Variants in CRACD observed in about 807,000 individuals in gnomAD.
CRACD encodes capping protein-inhibiting regulator of actin dynamics.
CRACD carries 56 observed loss-of-function variants against 106.8 expected under a neutral mutation model. The ratio of observed to expected loss-of-function variants is 0.52; its 90% CI spans 0.42 to 0.66. The LOEUF (loss-of-function observed/expected upper bound fraction) is 0.66. CRACD is among the 30% of genes least tolerant of loss of function. The probability of loss-of-function intolerance (pLI) is 0.00; values close to 1 mark genes in which losing one functional copy is unlikely to be tolerated. For missense variants in CRACD, 1,730 were observed against 1,623.2 expected (o/e 1.07, Z -1.13); for synonymous variants, 754 against 670.8 (o/e 1.12, Z -1.92).
intron 1 of CRACD, among the ~76,000 whole-genome samples, chr4:56,066,780 C>T (rs965586754): frequency 2.0e-5 from 3 of 152,018 alleles, no homozygotes; most frequent in Non-Finnish European, 2.9e-5. Flanking sequence ...TGTCTCAGTT[C>T]TATGCCCATG....
chr4:56,121,727 A>G (rs543938571), intron 1 of CRACD, among the ~76,000 whole-genome samples: 68 of 152,360 alleles, frequency 4.5e-4, no homozygotes, highest in Non-Finnish European at 6.9e-4. Flanking sequence ...CTAGATTAAA[A>G]TGAATCAATG....
At chr4:56,275,217 C>T (rs1258940622) in intron 3 of CRACD, among the ~76,000 whole-genome samples, 4 of 152,108 alleles carry the variant, frequency 2.6e-5, no homozygotes, top group African/African-American at 4.8e-5. Context: ...GTACAGCAAA[C>T]CCCTGTGACT....
chr4:56,115,797 C>T (rs1441819518), intron 1 of CRACD, among the ~76,000 whole-genome samples: 1 of 152,136 alleles, frequency 6.6e-6, no homozygotes, highest in Non-Finnish European at 1.5e-5. Flanking sequence ...TTATTTCAGC[C>T]CTTGCAAATC....
intron 1 of CRACD, among the ~76,000 whole-genome samples, chr4:56,124,861 A>T (rs968719960): frequency 2.6e-5 from 4 of 152,194 alleles, no homozygotes; most frequent in Admixed American, 6.5e-5. Flanking sequence ...AATATCCCTA[A>T]GTGGAGCCGC....
chr4:56,325,619 G>A (rs1746393376), intron 10 of CRACD, among the ~76,000 whole-genome samples: 1 of 152,190 alleles, frequency 6.6e-6, no homozygotes, highest in African/African-American at 2.4e-5. Flanking sequence ...TACACATTTA[G>A]AAAATATTCT....
chr4:56,059,241 C>T (rs752082449), intron 1 of CRACD, among the ~76,000 whole-genome samples: 28 of 151,692 alleles, frequency 1.8e-4, no homozygotes, highest in Non-Finnish European at 2.9e-4. Flanking sequence ...AGTTTGAGAT[C>T]GGCCTGGGCA....
intron 1 of CRACD, among the ~76,000 whole-genome samples, chr4:56,062,394 A>T (rs1389124569): frequency 6.6e-6 from 1 of 152,182 alleles, no homozygotes; most frequent in Non-Finnish European, 1.5e-5. Context: ...TTGTTGAATT[A>T]AGTGGAAGGC....
chr4:56,212,699 A>G (rs1205340969), intron 2 of CRACD, among the ~76,000 whole-genome samples: 1 of 152,188 alleles, frequency 6.6e-6, no homozygotes, highest in African/African-American at 2.4e-5. Context: ...TCCCTACCAA[A>G]GTACACACAA....
At chr4:56,276,698 G>A (rs990875879) in intron 3 of CRACD, among the ~76,000 whole-genome samples, 1 of 152,166 alleles carries the variant, frequency 6.6e-6, no homozygotes, top group African/African-American at 2.4e-5. Context: ...TGCCTCTCAA[G>A]GAGGCTGCAG....
intron 2 of CRACD, among the ~76,000 whole-genome samples, chr4:56,271,329 C>T (rs995437214): frequency 2.0e-5 from 3 of 152,146 alleles, no homozygotes; most frequent in Admixed American, 2.0e-4. Flanking sequence ...CAAATGTTGG[C>T]AGCAAGCCTA....
Position 56,320,145 on chromosome 4 carries a change from CA to C in CRACD, c.3188-3220del, listed in dbSNP as rs11386476. Among the ~76,000 whole-genome samples the C allele has an allele frequency of 2.6e-3, 377 of 145,168 alleles. 2 individuals are homozygous for C. Among genetic ancestry groups the C allele is most frequent in the Admixed American group, 7.6e-3 (110 of 14,554 alleles). Reference sequence around the variant, plus strand: ...AGAGATTGTGCACTGACTCCAGCCTCAAAAAAAAAAAACAAACCTTTCATTA... The same window carrying C: ...AGAGATTGTGCACTGACTCCAGCCTCAAAAAAAAAAACAAACCTTTCATTA... On this transcript the variant is annotated intron_variant, in intron 8 of 10. Transcript: ENST00000682029.
intron 2 of CRACD, among the ~76,000 whole-genome samples, chr4:56,198,305 G>A (rs1371893723): frequency 3.9e-5 from 6 of 152,174 alleles, no homozygotes; most frequent in Non-Finnish European, 8.8e-5. Context: ...AAGAAGAGAG[G>A]AGGTGCACTT....
At chr4:56,325,569 A>T (rs1377176754) in intron 10 of CRACD, among the ~76,000 whole-genome samples, 1 of 152,222 alleles carries the variant, frequency 6.6e-6, no homozygotes, top group African/African-American at 2.4e-5. Context: ...ATGTTAATTA[A>T]CAACAGCAGT....
chr4:56,314,610 G>T lies in CRACD; in HGVS notation c.1108G>T (p.Glu370Ter). ...RQEEEEAEGW[E>*]ELEQQEAEVQ... Reference sequence around the variant, plus strand: ...GGAGGAGGAGGAGGCTGAGGGATGGGAAGAGCTGGAACAGCAGGAGGCGGA... The same window carrying T: ...GGAGGAGGAGGAGGCTGAGGGATGGTAAGAGCTGGAACAGCAGGAGGCGGA... The change falls in exon 8 of 11, where the codon GAA (glutamate) becomes TAA (stop). Residue 370 changes from glutamate (E) to a stop codon, truncating the protein, a stop_gained. Coordinates refer to ENST00000682029, the MANE Select transcript of CRACD (RefSeq NM_001393381.1). LOFTEE classifies it high-confidence loss of function. The surrounding 1 kb of genome is among the most constrained non-coding windows in gnomAD (Gnocchi z 4.4). The T allele has an allele frequency of 6.5e-7, 1 of 1,532,896 alleles. No homozygotes were observed. Among genetic ancestry groups the T allele is most frequent in the East Asian group, 2.5e-5 (1 of 40,694 alleles). 95.0% of individuals were successfully genotyped at this position (1,532,896 alleles called of 1,614,324 possible). A position where few individuals can be genotyped will look rare whatever the true frequency, so the allele number is the denominator to read the frequency against.
At chr4:56,255,006 C>T (rs1403327881) in intron 2 of CRACD, among the ~76,000 whole-genome samples, 7 of 149,264 alleles carry the variant, frequency 4.7e-5, no homozygotes, top group Non-Finnish European at 4.4e-5. Flanking sequence ...CCCAGCTACT[C>T]GGGAGACTGA....
chr4:56,087,052 C>T (rs897336274), intron 1 of CRACD, among the ~76,000 whole-genome samples: 1 of 152,132 alleles, frequency 6.6e-6, no homozygotes, highest in Non-Finnish European at 1.5e-5. Flanking sequence ...CCCTCTGTCA[C>T]CCAGGCTGGA....
At chr4:56,188,281 C>T (rs78485616) in intron 2 of CRACD, among the ~76,000 whole-genome samples, 1,805 of 152,030 alleles carry the variant, frequency 0.012, 27 homozygotes, top group African/African-American at 0.041. Flanking sequence ...GAACTGGAAC[C>T]CCAATTTCTA....
chr4:56,064,207 C>T (rs548539342), intron 1 of CRACD, among the ~76,000 whole-genome samples: 10 of 152,220 alleles, frequency 6.6e-5, no homozygotes, highest in South Asian at 2.1e-4. Context: ...TATTTGTTGT[C>T]GAGTTGTGGG....
chr4:56,173,614 A>G (rs779415462), intron 1 of CRACD, among the ~76,000 whole-genome samples: 2 of 152,228 alleles, frequency 1.3e-5, no homozygotes, highest in Non-Finnish European at 2.9e-5. Flanking sequence ...GAAACCATAC[A>G]TAGACATACA....
Sources: allele counts gnomAD v4.1 joint callset (sites outside exome capture counted in the v4.1 genomes callset), GRCh38; gene constraint gnomAD v4.1.1; non-coding constraint Gnocchi (gnomAD v3.1); transcripts MANE v1.5; gene names NCBI Gene and HGNC (gene_info 2026-07-23, HGNC 2026-07-21).